The following HERC4 variants were observed in gnomAD, a reference collection of about 807,000 sequenced individuals.
HERC4 encodes the protein HECT and RLD domain containing E3 ubiquitin protein ligase 4, also known as probable E3 ubiquitin-protein ligase HERC4.
HERC4 carries 28 observed loss-of-function variants against 124.3 expected under a neutral mutation model. The observed-to-expected ratio is 0.23, with a 90% confidence interval of 0.17 to 0.31. The LOEUF (loss-of-function observed/expected upper bound fraction) is 0.31. Ranked by LOEUF, HERC4 falls within the 10% of genes least tolerant of loss-of-function variation. The pLI, the probability that HERC4 is intolerant of heterozygous loss-of-function variation, is 1.00. For synonymous variants in HERC4, 407 were observed against 421.5 expected (o/e 0.97, Z 0.42); for missense variants, 713 against 1,229.3 (o/e 0.58, Z 6.28).
chr10:67,936,048 G>A, intron 22 of HERC4, 105 bp downstream of exon 22: 2 of 657,614 alleles, frequency 3.0e-6, no homozygotes, highest in Non-Finnish European at 2.5e-6. Flanking sequence ...CAAAATTAAA[G>A]TTTTATTGGA....
intron 3 of HERC4, chr10:68,067,046 C>G (rs1458562195): frequency 6.6e-6 from 1 of 152,618 alleles, no homozygotes; most frequent in Non-Finnish European, 1.5e-5. Flanking sequence ...CAACTTATAG[C>G]TGTTCACCAG....
chr10:68,054,059 T>C (rs1297396574), intron 3 of HERC4, among the ~76,000 whole-genome samples: 1 of 152,342 alleles, frequency 6.6e-6, no homozygotes, highest in African/African-American at 2.4e-5. Flanking sequence ...GCCTCATTAG[T>C]TGTTAAAAAT....
chr10:67,940,941 C>T lies in HERC4; in HGVS notation c.2502G>A (p.Gly834=), dbSNP rs779216169. The T allele has an allele frequency of 6.2e-7, 1 of 1,609,034 alleles. No individual in the cohort carries two copies. Among genetic ancestry groups the T allele is most frequent in the Non-Finnish European group, 8.5e-7 (1 of 1,178,632 alleles). The change falls in exon 20 of 25, where the codon GGG becomes GGA. Residue 834 remains glycine, a splice_region_variant and synonymous_variant. Coordinates refer to ENST00000373700, the MANE Select transcript of HERC4 (RefSeq NM_015601.4). ...TTTGACTTTTTTTTCCAACTAACCTCCCAACATCAGGCATTAGTTCTTTCA... is the reference window on the plus strand; with the variant it reads ...TTTGACTTTTTTTTCCAACTAACCTTCCAACATCAGGCATTAGTTCTTTCA... The part of the protein sequence containing the change: ...DDLKELMPDV[G]RSMQQLLDYP...
chr10:68,036,296 T>A (rs1413976666), intron 5 of HERC4, among the ~76,000 whole-genome samples: 5 of 143,876 alleles, frequency 3.5e-5, no homozygotes, highest in Admixed American at 1.4e-4. Context: ...CCAGCCTGGG[T>A]GACAAAGGGA....
chr10:67,922,861 T>C lies in HERC4; in HGVS notation c.*70A>G. 1 of 1,075,626 alleles carries C rather than the reference T, an allele frequency of 9.3e-7. No individual in the cohort carries two copies. The allele number at this position is 1,075,626 out of a possible 1,614,324, so 66.6% of individuals were successfully genotyped here. A position where few individuals can be genotyped will look rare whatever the true frequency, so the allele number is the denominator to read the frequency against. On this transcript the variant is annotated 3_prime_UTR_variant, in exon 25 of 25. Coordinates refer to ENST00000373700, the MANE Select transcript of HERC4 (RefSeq NM_015601.4). ...ATAGTACCTCTGTCACCTTGCTGAA[T>C]TCATCACCACAAGAAAAACACAAAT...
chr10:67,927,430 A>ATATTTTTTT (rs1564911511), intron 23 of HERC4, among the ~76,000 whole-genome samples: 1 of 37,910 alleles, frequency 2.6e-5, no homozygotes, highest in African/African-American at 5.8e-5. Context: ...ATATATATAT[A>ATATTTTTTT]TTTTTTTTTT....
intron 19 of HERC4, among the ~76,000 whole-genome samples, chr10:67,945,819 C>A (rs76054043): frequency 0.54 from 80,883 of 150,760 alleles, 23,230 homozygotes; most frequent in Non-Finnish European, 0.66. Flanking sequence ...AATCAAAAAA[C>A]ATACGACAGA....
At chr10:67,973,781 C>T (rs183938509) in intron 15 of HERC4, among the ~76,000 whole-genome samples, 74 of 152,184 alleles carry the variant, frequency 4.9e-4, no homozygotes, top group African/African-American at 1.6e-3. Flanking sequence ...AGGTTGGGCA[C>T]GGTGGCTCAT....
intron 13 of HERC4, 53 bp from the exon 14 acceptor site, chr10:67,990,453 A>AAAT (rs2036489172): frequency 8.8e-5 from 87 of 989,706 alleles, no homozygotes; most frequent in Middle Eastern, 2.4e-4. Context: ...ATACACTTTC[A>AAAT]AAGAAAAAAA....
intron 9 of HERC4, among the ~76,000 whole-genome samples, chr10:68,009,031 G>A (rs1281644532): frequency 1.3e-5 from 2 of 152,034 alleles, no homozygotes; most frequent in Non-Finnish European, 2.9e-5. Flanking sequence ...GACCAGACTG[G>A]CCAACATGTT....
intron 1 of HERC4, chr10:68,074,823 C>G (rs1564628072): frequency 1.3e-5 from 2 of 152,746 alleles, no homozygotes; most frequent in South Asian, 4.1e-4. Flanking sequence ...TCGCCCCACG[C>G]CCCTCACCCC....
At chr10:68,059,664 TA>T (rs2040815756) in intron 3 of HERC4, among the ~76,000 whole-genome samples, 1 of 68,062 alleles carries the variant, frequency 1.5e-5, no homozygotes, top group African/African-American at 1.1e-4. Context: ...TATCATATTA[TA>T]TATTATATTA....
At chr10:67,980,381 C>T (rs893999441) in intron 15 of HERC4, among the ~76,000 whole-genome samples, 31 of 152,070 alleles carry the variant, frequency 2.0e-4, no homozygotes, top group African/African-American at 7.0e-4. Context: ...GATACACCCG[C>T]GTCAGTCTCC....
chr10:68,071,823 A>G (rs987619579), intron 3 of HERC4, among the ~76,000 whole-genome samples: 4 of 152,242 alleles, frequency 2.6e-5, no homozygotes, highest in African/African-American at 9.6e-5. Context: ...AAATTAAGGC[A>G]GAAGAAAATA....
At chr10:68,029,683 A>G (rs1330664727) in intron 7 of HERC4, among the ~76,000 whole-genome samples, 1 of 147,838 alleles carries the variant, frequency 6.8e-6, no homozygotes, top group East Asian at 1.9e-4. Context: ...TAATTTTTAT[A>G]TATTATATAT....
Position 68,034,679 on chromosome 10 carries a change from A to G in HERC4, c.464-493T>C, listed in dbSNP as rs149521850. On this transcript the variant is annotated intron_variant, in intron 5 of 24. Coordinates refer to ENST00000373700, the MANE Select transcript of HERC4 (RefSeq NM_015601.4). ...GAAATTTCAAAGGAACTTCTAACTT[A>G]GGATGCCCCAGACTGAATTCATGAC... Among the ~76,000 whole-genome samples the G allele has an allele frequency of 1.1e-4, 16 of 152,302 alleles. No homozygotes were observed. In the East Asian group the frequency reaches 3.1e-3, roughly 29 times the overall value.
chr10:67,967,792 A>G (rs79496251), intron 15 of HERC4, among the ~76,000 whole-genome samples: 4,544 of 152,260 alleles, frequency 0.03, 237 homozygotes, highest in African/African-American at 0.1. Flanking sequence ...TAGGAAATAC[A>G]AGGGATAGAG....
At chr10:68,034,278 GAA>G (rs2039348874) in intron 5 of HERC4, 92 bp from the exon 6 acceptor site, 2 of 924,014 alleles carry the variant, frequency 2.2e-6, no homozygotes, top group Admixed American at 2.4e-5. Flanking sequence ...TTCATATAAA[GAA>G]TATTATTTTG....
At chr10:68,001,625 T>C (rs2037238737) in intron 9 of HERC4, among the ~76,000 whole-genome samples, 1 of 152,170 alleles carries the variant, frequency 6.6e-6, no homozygotes, top group African/African-American at 2.4e-5. Flanking sequence ...AATTTAGTGG[T>C]AGCAAGTATA....
Sources: allele counts gnomAD v4.1 joint callset (sites outside exome capture counted in the v4.1 genomes callset), GRCh38; gene constraint gnomAD v4.1.1; transcripts MANE v1.5; gene names NCBI Gene and HGNC (gene_info 2026-07-23, HGNC 2026-07-21).